The following CELF2 variants were observed in gnomAD, a reference collection of about 807,000 sequenced individuals.
The protein encoded by CELF2 is CUGBP Elav-like family member 2.
A neutral mutation model predicts 62.6 loss-of-function variants in CELF2; 8 were observed. That is an observed-to-expected ratio of 0.13 (90% CI 0.07 to 0.23). The LOEUF (loss-of-function observed/expected upper bound fraction) is 0.23. CELF2 is among the 10% of genes least tolerant of loss of function. The pLI is 1.00. For synonymous variants in CELF2, 258 were observed against 250.0 expected (o/e 1.03, Z -0.30); for missense variants, 333 against 671.0 (o/e 0.50, Z 5.56).
chr10:11,086,588 A>AAAG (rs2046824744), intron 1 of CELF2, among the ~76,000 whole-genome samples: 3 of 111,726 alleles, frequency 2.7e-5, no homozygotes, highest in African/African-American at 1.1e-4. Context: ...TAAAAAAAAA[A>AAAG]AAAAAAAAAA....
rs1030751710 is a variant in CELF2, at chr10:10,936,942, A to G, written c.89+16943A>G. On this transcript the variant is annotated intron_variant, in intron 2 of 13. Transcript: ENST00000636488. This position sits in a 1 kb window ranked among gnomAD's most constrained non-coding sequence, Gnocchi z 4.0. ...GTCCTCAGACCATCCTTTGAGGAGC[A>G]AACGACTACAGAGCCACCAGTCCCA... Among the ~76,000 whole-genome samples the G allele has an allele frequency of 6.6e-6, 1 of 152,172 alleles. No individual in the cohort carries two copies. The highest frequency in any genetic ancestry group is 6.5e-5 in the Admixed American group (1 of 15,292).
intron 2 of CELF2, among the ~76,000 whole-genome samples, chr10:10,967,969 GA>G (rs1361285277): frequency 6.6e-6 from 1 of 151,912 alleles, no homozygotes; most frequent in Non-Finnish European, 1.5e-5. Context: ...TACTGAGGGA[GA>G]AAAAAATGTA....
At chr10:11,051,407 C>T (rs758873859) in intron 1 of CELF2, among the ~76,000 whole-genome samples, 1 of 152,172 alleles carries the variant, frequency 6.6e-6, no homozygotes, top group Non-Finnish European at 1.5e-5. Flanking sequence ...TTAAATCTGG[C>T]AGTATCCTTA....
At chr10:10,727,158 A>G in the CELF2 span, among the ~76,000 whole-genome samples, 1 of 152,164 alleles carries the variant, frequency 6.6e-6, no homozygotes, top group East Asian at 1.9e-4. Context: ...GTTGAACATG[A>G]GATTTGTGTG....
the CELF2 span, among the ~76,000 whole-genome samples, chr10:10,699,962 A>T: frequency 6.6e-6 from 1 of 152,134 alleles, no homozygotes; most frequent in African/African-American, 2.4e-5. Context: ...AGAGGCCCAA[A>T]TACTGAAATG....
chr10:10,971,098 G>C (rs569889441), intron 2 of CELF2, among the ~76,000 whole-genome samples: 1 of 152,128 alleles, frequency 6.6e-6, no homozygotes, highest in African/African-American at 2.4e-5. Flanking sequence ...TTCTCCTTGG[G>C]CTCCCATCCC....
chr10:10,484,434 A>G, the CELF2 span, among the ~76,000 whole-genome samples: 2 of 144,392 alleles, frequency 1.4e-5, no homozygotes, highest in African/African-American at 5.2e-5. Context: ...CTCCTGCCTC[A>G]GCCCCCCAAG....
intron 1 of CELF2, among the ~76,000 whole-genome samples, chr10:11,119,343 C>T (rs1240088062): frequency 2.0e-5 from 3 of 152,196 alleles, no homozygotes; most frequent in African/African-American, 7.2e-5. Context: ...GTCCTAAGGA[C>T]AGTAGATGTT....
chr10:10,685,010 C>T, the CELF2 span, among the ~76,000 whole-genome samples: 1 of 152,058 alleles, frequency 6.6e-6, no homozygotes, highest in African/African-American at 2.4e-5. Context: ...AGGCTAAGTA[C>T]AAACAACCAC....
upstream of CELF2, among the ~76,000 whole-genome samples, chr10:10,795,474 C>A (rs186573801): frequency 6.9e-4 from 105 of 152,246 alleles, no homozygotes; most frequent in African/African-American, 2.4e-3. Flanking sequence ...AGAAAATTTA[C>A]TGTTGCCTTT....
intron 1 of CELF2, among the ~76,000 whole-genome samples, chr10:10,836,296 G>A (rs972960424): frequency 6.6e-6 from 1 of 152,188 alleles, no homozygotes; most frequent in African/African-American, 2.4e-5. Flanking sequence ...GCAAATAAGA[G>A]TAGCTGGAGA....
chr10:10,480,966 G>A, the CELF2 span, among the ~76,000 whole-genome samples: 10 of 152,128 alleles, frequency 6.6e-5, no homozygotes, highest in Admixed American at 5.9e-4. Flanking sequence ...GGGAGGCTGA[G>A]GCAGGAGAAT....
upstream of CELF2, among the ~76,000 whole-genome samples, chr10:11,003,425 G>A (rs556384161): frequency 2.6e-5 from 4 of 152,198 alleles, no homozygotes; most frequent in African/African-American, 4.8e-5. This position sits in a 1 kb window ranked among gnomAD's most constrained non-coding sequence, Gnocchi z 4.4. Flanking sequence ...ATGCAAAAAG[G>A]GCTTTGTGTC....
intron 1 of CELF2, among the ~76,000 whole-genome samples, chr10:10,896,884 G>T (rs776571648): frequency 6.6e-6 from 1 of 152,186 alleles, no homozygotes; most frequent in Non-Finnish European, 1.5e-5. Flanking sequence ...TTGAACAATT[G>T]TAAGTTGAAC....
At chr10:10,987,075 G>A (rs2052845711) in intron 2 of CELF2, among the ~76,000 whole-genome samples, 1 of 152,092 alleles carries the variant, frequency 6.6e-6, no homozygotes, top group African/African-American at 2.4e-5. Context: ...TTTACCTTTG[G>A]TCCTACCGTC....
At chr10:10,677,387 T>C in the CELF2 span, among the ~76,000 whole-genome samples, 59 of 152,294 alleles carry the variant, frequency 3.9e-4, no homozygotes, top group African/African-American at 1.4e-3. Context: ...TTTGGAAAGG[T>C]AGAAGCAGTT....
chr10:10,690,342 A>G, the CELF2 span, among the ~76,000 whole-genome samples: 223 of 152,282 alleles, frequency 1.5e-3, 1 homozygote, highest in African/African-American at 5.1e-3. Flanking sequence ...CAAATCAAAC[A>G]TGTTTCCCAG....
At chr10:10,786,681 G>C in the CELF2 span, 1 of 152,140 alleles carries the variant, frequency 6.6e-6, no homozygotes, top group Non-Finnish European at 1.5e-5. Context: ...TAGAGAGGGG[G>C]ATGAAGAAAT....
intron 1 of CELF2, among the ~76,000 whole-genome samples, chr10:10,865,577 T>C (rs1361932657): frequency 6.6e-6 from 1 of 152,184 alleles, no homozygotes; most frequent in African/African-American, 2.4e-5. Flanking sequence ...GGAAAAAATA[T>C]TAATACAGTT....
Sources: gnomAD v4.1 joint callset for allele counts (sites outside exome capture counted in the v4.1 genomes callset) on GRCh38, gnomAD v4.1.1 for gene constraint, Gnocchi (gnomAD v3.1) non-coding constraint, MANE v1.5 for transcripts, NCBI Gene and HGNC (gene_info 2026-07-23, HGNC 2026-07-21) for gene names.